Variants in DPYSL3 observed in about 807,000 individuals in gnomAD.
The protein encoded by DPYSL3 is dihydropyrimidinase-related protein 3.
A neutral mutation model predicts 66.1 loss-of-function variants in DPYSL3; 16 were observed. That is an observed-to-expected ratio of 0.24 (90% CI 0.16 to 0.37). The LOEUF (loss-of-function observed/expected upper bound fraction) is 0.37, where lower values mean the gene tolerates loss of function less well. Ranked by LOEUF, DPYSL3 falls within the 10% of genes least tolerant of loss-of-function variation. The probability of loss-of-function intolerance (pLI) is 1.00; values close to 1 mark genes in which losing one functional copy is unlikely to be tolerated. For synonymous variants in DPYSL3, 338 were observed against 345.1 expected, an observed-to-expected ratio of 0.98 and a Z score of 0.23; for missense variants, 738 against 916.2, an observed-to-expected ratio of 0.81 and a Z score of 2.51.
intron 1 of DPYSL3, among the ~76,000 whole-genome samples, chr5:147,477,065 A>G (rs2126430114): frequency 6.6e-6 from 1 of 152,350 alleles, no homozygotes; most frequent in Admixed American, 6.5e-5. Flanking sequence ...ACTTCATGAA[A>G]TAAAACAATT....
At chr5:147,500,564 A>G (rs1298449447) in intron 1 of DPYSL3, among the ~76,000 whole-genome samples, 1 of 149,162 alleles carries the variant, frequency 6.7e-6, no homozygotes, top group East Asian at 2.1e-4. Flanking sequence ...CAGTGAGCCG[A>G]GGTGGCACCA....
chr5:147,457,650 G>C (rs754637089), intron 1 of DPYSL3, among the ~76,000 whole-genome samples: 5 of 152,224 alleles, frequency 3.3e-5, no homozygotes, highest in Non-Finnish European at 7.3e-5. Context: ...CCAAAGAAAG[G>C]CTCAGTAGAG....
chr5:147,483,674 GT>G (rs1753285789), intron 1 of DPYSL3, among the ~76,000 whole-genome samples: 2 of 152,154 alleles, frequency 1.3e-5, no homozygotes. Context: ...TGGGAAAGGG[GT>G]TAACAAGTAT....
intron 1 of DPYSL3, among the ~76,000 whole-genome samples, chr5:147,474,518 G>A (rs1052831627): frequency 1.3e-5 from 2 of 152,052 alleles, no homozygotes; most frequent in African/African-American, 4.8e-5. Context: ...TAGTGAATGG[G>A]TCAGGATTTG....
chr5:147,425,903 T>C (rs1752186599), intron 1 of DPYSL3, among the ~76,000 whole-genome samples: 1 of 152,046 alleles, frequency 6.6e-6, no homozygotes, highest in East Asian at 1.9e-4. Context: ...GAGAAAACAA[T>C]TCCCAGGAGT....
rs769931944 is a variant in DPYSL3, at chr5:147,397,789, G to A, written c.1680C>T (p.Val560=). The change falls in exon 12 of 14, where the codon GTC becomes GTT. Residue 560 remains valine, a synonymous_variant. Coordinates refer to ENST00000343218, the MANE Select transcript of DPYSL3 (RefSeq NM_001197294.2). ...CCAGCATGATCTTGCCCTGGCAGAT[G>A]ACAACCAGAGGAGCCCCGCGCAGCT... ...GMELRGAPLV[V]ICQGKIMLED... The A allele has an allele frequency of 1.9e-6, 3 of 1,614,088 alleles. No homozygotes were observed. The highest frequency in any genetic ancestry group is 2.5e-6 in the Non-Finnish European group (3 of 1,180,034).
intron 2 of DPYSL3, among the ~76,000 whole-genome samples, chr5:147,423,787 C>T (rs11948890): frequency 6.6e-6 from 1 of 152,142 alleles, no homozygotes; most frequent in Non-Finnish European, 1.5e-5. Flanking sequence ...GTGGCGCCAT[C>T]TTGGCTCACT....
At chr5:147,432,273 C>G (rs182232563) in intron 1 of DPYSL3, among the ~76,000 whole-genome samples, 7 of 152,150 alleles carry the variant, frequency 4.6e-5, no homozygotes, top group African/African-American at 1.4e-4. Flanking sequence ...TAGCCCTAGA[C>G]GGACAGACAC....
intron 1 of DPYSL3, among the ~76,000 whole-genome samples, chr5:147,428,824 A>G (rs1378535237): frequency 1.3e-5 from 2 of 152,108 alleles, no homozygotes; most frequent in Non-Finnish European, 2.9e-5. Flanking sequence ...GGGAGGAGGG[A>G]GAGCATCAGG....
chr5:147,493,349 A>G (rs1190934149), intron 1 of DPYSL3, among the ~76,000 whole-genome samples: 1 of 152,118 alleles, frequency 6.6e-6, no homozygotes, highest in East Asian at 1.9e-4. Flanking sequence ...GAAGCAGGGG[A>G]ATCATTTGAG....
chr5:147,442,468 C>A (rs1441923396), intron 1 of DPYSL3, among the ~76,000 whole-genome samples: 1 of 152,168 alleles, frequency 6.6e-6, no homozygotes, highest in African/African-American at 2.4e-5. Context: ...GAATATAAGG[C>A]TAAGAGTAAA....
chr5:147,478,069 T>TA (rs1351242620), intron 1 of DPYSL3, among the ~76,000 whole-genome samples: 1 of 152,206 alleles, frequency 6.6e-6, no homozygotes, highest in Non-Finnish European at 1.5e-5. Context: ...ATTGCTCTCA[T>TA]AAAAATGTTT....
intron 1 of DPYSL3, among the ~76,000 whole-genome samples, chr5:147,441,584 C>A (rs2126372124): frequency 6.6e-6 from 1 of 152,240 alleles, no homozygotes; most frequent in East Asian, 1.9e-4. Context: ...CCTTCCTCAA[C>A]AAAATTACGA....
intron 1 of DPYSL3, among the ~76,000 whole-genome samples, chr5:147,461,692 T>C (rs1420844427): frequency 1.3e-5 from 2 of 152,136 alleles, no homozygotes; most frequent in Non-Finnish European, 2.9e-5. Flanking sequence ...AATATCAACA[T>C]AGCTTCTCTG....
At chr5:147,441,408 T>A (rs1752531835) in intron 1 of DPYSL3, among the ~76,000 whole-genome samples, 2 of 152,122 alleles carry the variant, frequency 1.3e-5, no homozygotes, top group Non-Finnish European at 2.9e-5. Flanking sequence ...ATTCTTCTTA[T>A]AAAACTCCCC....
At chr5:147,400,598 C>G in intron 10 of DPYSL3, 94 bp downstream of exon 10, 1 of 1,504,116 alleles carries the variant, frequency 6.6e-7, no homozygotes, top group East Asian at 2.3e-5. Flanking sequence ...CATCTGCACT[C>G]GCAGTGTCAC....
chr5:147,418,399 A>G (rs1359222753), intron 3 of DPYSL3, 48 bp downstream of exon 3: 1 of 1,517,002 alleles, frequency 6.6e-7, no homozygotes, highest in Non-Finnish European at 8.9e-7. Context: ...CACATTCATT[A>G]AACACACACT....
At chr5:147,464,398 C>A (rs918444217) in intron 1 of DPYSL3, among the ~76,000 whole-genome samples, 11 of 152,146 alleles carry the variant, frequency 7.2e-5, no homozygotes, top group African/African-American at 2.7e-4. Flanking sequence ...AGAAATGTTT[C>A]CACCAGGGGG....
At chr5:147,419,044 G>A (rs910118357) in intron 2 of DPYSL3, among the ~76,000 whole-genome samples, 1 of 152,146 alleles carries the variant, frequency 6.6e-6, no homozygotes, top group Admixed American at 6.5e-5. Context: ...AGAGACTGAA[G>A]AAGATAATAG....
Sources: gnomAD v4.1 joint callset for allele counts (sites outside exome capture counted in the v4.1 genomes callset) on GRCh38, gnomAD v4.1.1 for gene constraint, MANE v1.5 for transcripts, NCBI Gene and HGNC (gene_info 2026-07-23, HGNC 2026-07-21) for gene names.